The following ZDBF2 variants were observed in gnomAD, a reference collection of about 807,000 sequenced individuals.
The protein encoded by ZDBF2 is DBF4-type zinc finger-containing protein 2.
In ZDBF2, 6 loss-of-function variants were observed where a neutral mutation model predicts 9.4. The observed-to-expected ratio is 0.64, with a 90% CI of 0.35 to 1.27. The LOEUF (loss-of-function observed/expected upper bound fraction) is 1.27. ZDBF2 is among the 50% of genes most tolerant of loss of function. ZDBF2 has a pLI of 0.03. For missense variants in ZDBF2, 2,697 were observed against 2,766.8 expected, an observed-to-expected ratio of 0.97 and a Z score of 0.57; for synonymous variants, 905 against 946.3, an observed-to-expected ratio of 0.96 and a Z score of 0.80.
chr2:206,304,722 C>T lies in ZDBF2; in HGVS notation c.194C>T (p.Thr65Ile). The T allele has an allele frequency of 6.2e-7, 1 of 1,602,016 alleles. No individual in the cohort carries two copies. Among genetic ancestry groups the T allele is most frequent in the Non-Finnish European group, 8.5e-7 (1 of 1,175,280 alleles). Residue 65 changes from threonine to isoleucine, a missense_variant, in exon 5 of 5, where the codon ACA (threonine) becomes ATA (isoleucine). Physicochemically the swap from Thr to Ile is moderately conservative, Grantham distance 89. Around this residue, in one of 3 missense-constraint regions of ZDBF2, gnomAD observed 910 missense variants for 973.6 expected, o/e 0.93. Coordinates refer to ENST00000374423, the MANE Select transcript of ZDBF2 (RefSeq NM_020923.3). ...TTTCCCCCCTTTCGTTTTAGTTCAA[C>T]ACAAGATGAGACACATGTGAATACT... ...HPYHCQESSSTQDETHVNTGS... is the reference protein window; with the variant it reads ...HPYHCQESSSIQDETHVNTGS...
chr2:206,285,358 A>G (rs978048626), intron 3 of ZDBF2, among the ~76,000 whole-genome samples: 1 of 152,168 alleles, frequency 6.6e-6, no homozygotes, highest in African/African-American at 2.4e-5. Flanking sequence ...GTGAGATGAT[A>G]TCTCATTGTG....
chr2:206,310,544 A>G lies in ZDBF2; in HGVS notation c.6016A>G (p.Lys2006Glu). ...CTKVLKPMQPKALVCVLSSLN... is the reference protein window; with the variant it reads ...CTKVLKPMQPEALVCVLSSLN... ...TAAAGTTTTGAAGCCTATGCAACCCAAAGCCTTAGTCTGTGTTCTTTCTTC... is the reference window on the plus strand; with the variant it reads ...TAAAGTTTTGAAGCCTATGCAACCCGAAGCCTTAGTCTGTGTTCTTTCTTC... Residue 2006 changes from lysine to glutamate, a missense_variant, in exon 5 of 5, where the codon AAA becomes GAA. Transcript: ENST00000374423. The G allele has an allele frequency of 6.2e-7, 1 of 1,613,716 alleles. No homozygotes were observed. Among genetic ancestry groups the G allele is most frequent in the Non-Finnish European group, 8.5e-7 (1 of 1,179,800 alleles).
chr2:206,294,411 A>T (rs2105924507), intron 3 of ZDBF2, among the ~76,000 whole-genome samples: 1 of 152,344 alleles, frequency 6.6e-6, no homozygotes, highest in Middle Eastern at 3.4e-3. Context: ...ATGTAAATGA[A>T]GTTTTCTATT....
At chr2:206,301,941 A>C (rs1459697408) in intron 4 of ZDBF2, among the ~76,000 whole-genome samples, 1 of 149,862 alleles carries the variant, frequency 6.7e-6, no homozygotes, top group Admixed American at 6.6e-5. Context: ...CATAGTTTTT[A>C]TTTCTTTTAG....
Position 206,308,385 on chromosome 2 carries a change from A to G in ZDBF2, c.3857A>G (p.Asn1286Ser), listed in dbSNP as rs777536131. The change falls in exon 5 of 5, where the codon AAT becomes AGT. Residue 1286 changes from asparagine to serine, a missense_variant. Asn to Ser is a conservative substitution (Grantham distance 46). Coordinates refer to ENST00000374423, the MANE Select transcript of ZDBF2 (RefSeq NM_020923.3). ...KIVKPTDSRINFDSHEPLQSV... is the reference protein window; with the variant it reads ...KIVKPTDSRISFDSHEPLQSV... ...GTCAAACCTACAGATTCCAGAATAA[A>G]TTTTGATTCTCATGAACCCCTTCAG... The G allele has an allele frequency of 6.2e-7, 1 of 1,612,550 alleles. No homozygotes were observed. Among genetic ancestry groups the G allele is most frequent in the Non-Finnish European group, 8.5e-7 (1 of 1,179,548 alleles).
At chr2:206,298,036 A>G (rs1419635629) in intron 4 of ZDBF2, among the ~76,000 whole-genome samples, 1 of 152,232 alleles carries the variant, frequency 6.6e-6, no homozygotes, top group East Asian at 1.9e-4. Context: ...CAGAGTAAGG[A>G]CAATCAAGTC....
chr2:206,308,995 G>A lies in ZDBF2; in HGVS notation c.4467G>A (p.Lys1489=), dbSNP rs1692984274. 1 of 1,613,790 alleles carries A rather than the reference G, an allele frequency of 6.2e-7. No individual in the cohort carries two copies. The stretch of plus-strand genomic sequence containing the variant: ...AAGAGCATGTTGTCATGGAAGAAAA[G>A]ACCGATCAACCTAGTGATTCAGAAA... The part of the protein sequence containing the change: ...QKEEHVVMEE[K]TDQPSDSEMM... The change falls in exon 5 of 5, where the codon AAG becomes AAA. Residue 1489 remains lysine (K), a synonymous_variant. Coordinates refer to ENST00000374423, the MANE Select transcript of ZDBF2 (RefSeq NM_020923.3).
intron 3 of ZDBF2, among the ~76,000 whole-genome samples, chr2:206,288,615 T>C (rs1049037890): frequency 2.0e-5 from 3 of 152,198 alleles, no homozygotes; most frequent in African/African-American, 7.2e-5. Context: ...GAACCTATTG[T>C]TGCACTTGGA....
chr2:206,275,010 G>T (rs924507179), intron 1 of ZDBF2, 64 bp downstream of exon 1: 2 of 149,916 alleles, frequency 1.3e-5, no homozygotes, highest in African/African-American at 4.9e-5. Flanking sequence ...CCTGCTCGCC[G>T]GGCGCCCGGG....
rs376380249 is a variant in ZDBF2, at chr2:206,308,972, G to A, written c.4444G>A (p.Glu1482Lys). 2 of 1,613,584 alleles carry A rather than the reference G, an allele frequency of 1.2e-6. No individual in the cohort carries two copies. Among genetic ancestry groups the A allele is most frequent in the African/African-American group, 1.3e-5 (1 of 74,916 alleles). Residue 1482 changes from glutamate to lysine, a missense_variant, in exon 5 of 5, where the codon GAG becomes AAG. By Grantham distance (56) the Glu-to-Lys change is moderately conservative. Around this residue, in one of 3 missense-constraint regions of ZDBF2, gnomAD observed 1,783 missense variants for 1,776.5 expected, o/e 1.00. Coordinates refer to ENST00000374423, the MANE Select transcript of ZDBF2 (RefSeq NM_020923.3). ...CAAAGAGGCAGACCTTCAGAAGGAA[G>A]AGCATGTTGTCATGGAAGAAAAGAC... ...SYKEADLQKE[E>K]HVVMEEKTDQ...
Position 206,307,872 on chromosome 2 carries a change from A to G in ZDBF2, c.3344A>G (p.Lys1115Arg). 1 of 1,613,560 alleles carries G rather than the reference A, an allele frequency of 6.2e-7. No homozygotes were observed. The highest frequency in any genetic ancestry group is 8.5e-7 in the Non-Finnish European group (1 of 1,179,726). The change falls in exon 5 of 5, where the codon AAA (lysine) becomes AGA (arginine). Residue 1115 changes from lysine to arginine, a missense_variant. Around this residue, in one of 3 missense-constraint regions of ZDBF2, gnomAD observed 1,783 missense variants for 1,776.5 expected, o/e 1.00. Coordinates refer to ENST00000374423, the MANE Select transcript of ZDBF2 (RefSeq NM_020923.3). ...KNKINEPSTYKLIHHPDVSVQ... is the reference protein window; with the variant it reads ...KNKINEPSTYRLIHHPDVSVQ... Reference sequence around the variant, plus strand: ...AAGATTAATGAACCTAGTACTTATAAATTAATACATCATCCTGATGTTTCT... The same window carrying G: ...AAGATTAATGAACCTAGTACTTATAGATTAATACATCATCCTGATGTTTCT...
chr2:206,297,192 C>A, intron 3 of ZDBF2, 54 bp from the exon 4 acceptor site: 1 of 710,810 alleles, frequency 1.4e-6, no homozygotes, highest in Non-Finnish European at 2.4e-6. Context: ...TTGTCGAACT[C>A]TCACTACTGA....
chr2:206,297,484 A>G (rs955061018), intron 4 of ZDBF2, 111 bp downstream of exon 4: 14 of 1,118,032 alleles, frequency 1.3e-5, no homozygotes, highest in Non-Finnish European at 1.7e-5. Flanking sequence ...AGGAATATAA[A>G]GTAAAATTTT....
In ZDBF2 at chr2:206,311,666, C is replaced by T. The variant is rs546049758; in HGVS notation, c.*73C>T. 10 of 1,306,484 alleles carry T rather than the reference C, an allele frequency of 7.7e-6. No homozygotes were observed. Among genetic ancestry groups the T allele is most frequent in the Admixed American group, 3.0e-5 (1 of 32,828 alleles). 80.9% of individuals were successfully genotyped at this position (1,306,484 alleles called of 1,614,324 possible). On this transcript the variant is annotated 3_prime_UTR_variant, in exon 5 of 5. Coordinates refer to ENST00000374423, the MANE Select transcript of ZDBF2 (RefSeq NM_020923.3). Reference sequence around the variant, plus strand: ...AAATATATTTGGTACTTTGTGCACACAGCTTTCCCAGCTTTGGTGAGAAAA... The same window carrying T: ...AAATATATTTGGTACTTTGTGCACATAGCTTTCCCAGCTTTGGTGAGAAAA...
At chr2:206,282,848 C>T (rs189756859) in intron 3 of ZDBF2, among the ~76,000 whole-genome samples, 21 of 152,292 alleles carry the variant, frequency 1.4e-4, no homozygotes, top group Admixed American at 1.0e-3. Flanking sequence ...AAACCCTGTA[C>T]GCACTGAGCA....
Position 206,305,069 on chromosome 2 carries a change from C to T in ZDBF2, c.541C>T (p.Pro181Ser). ...TAATAGAAGCAACTTGGTACGCCCC[C>T]CAGTGATTTGTAATGCTCCTGCTAG... ...TNNRSNLVRP[P>S]VICNAPASCL... Residue 181 changes from proline to serine, a missense_variant, in exon 5 of 5, where the codon CCA (proline) becomes TCA (serine). Physicochemically the swap from Pro to Ser is moderately conservative, Grantham distance 74 (BLOSUM62 -1). This residue lies in a region of ZDBF2 where 910 missense variants were observed against 973.6 expected (regional missense o/e 0.93). Coordinates refer to ENST00000374423, the MANE Select transcript of ZDBF2 (RefSeq NM_020923.3). 1 of 1,613,794 alleles carries T rather than the reference C, an allele frequency of 6.2e-7. No individual in the cohort carries two copies. The highest frequency in any genetic ancestry group is 8.5e-7 in the Non-Finnish European group (1 of 1,179,806).
In ZDBF2 at chr2:206,309,575, G is replaced by A. The variant is rs1693031374; in HGVS notation, c.5047G>A (p.Ala1683Thr). ...SHRTTHRLQKAHKEASLRKDP... is the reference protein window; with the variant it reads ...SHRTTHRLQKTHKEASLRKDP... The stretch of plus-strand genomic sequence containing the variant: ...TCGAACGACTCACCGACTGCAGAAA[G>A]CTCACAAAGAAGCCAGTCTTCGGAA... Residue 1683 changes from alanine (A) to threonine (T), a missense_variant, in exon 5 of 5, where the codon GCT becomes ACT. Physicochemically the swap from Ala to Thr is moderately conservative, Grantham distance 58 (BLOSUM62 0). This residue lies in a region of ZDBF2 where 1,783 missense variants were observed against 1,776.5 expected (regional missense o/e 1.00). Transcript: ENST00000374423. 5 of 1,613,940 alleles carry A rather than the reference G, an allele frequency of 3.1e-6. No homozygotes were observed. The highest frequency in any genetic ancestry group is 3.4e-6 in the Non-Finnish European group (4 of 1,179,884).
chr2:206,283,388 TTGTTG>T (rs972332132), intron 3 of ZDBF2, among the ~76,000 whole-genome samples: 1 of 146,656 alleles, frequency 6.8e-6, no homozygotes, highest in Non-Finnish European at 1.5e-5. Context: ...GTTTTGTTTT[TTGTTG>T]TTGTTGTTGT....
rs747965897 is a variant in ZDBF2 at position 206,305,036 on chromosome 2, G to A, written c.508G>A (p.Ala170Thr). 6.2e-7 allele frequency: 1 copy of A among 1,613,730 alleles called. No homozygotes were observed. Among genetic ancestry groups the A allele is most frequent in the Non-Finnish European group, 8.5e-7 (1 of 1,179,812 alleles). ...RKCNLVDIGQ[A>T]TNNRSNLVRP... ...ATGTAACCTAGTAGATATTGGTCAG[G>A]CTACAAATAATAGAAGCAACTTGGT... is the stretch of plus-strand genomic sequence containing the variant. Residue 170 changes from alanine (A) to threonine (T), a missense_variant, in exon 5 of 5, where the codon GCT (alanine) becomes ACT (threonine). Transcript: ENST00000374423.
Sources: gnomAD v4.1 joint callset for allele counts (sites outside exome capture counted in the v4.1 genomes callset) on GRCh38, gnomAD v4.1.1 for gene constraint, gnomAD v4.1.1 regional missense constraint, MANE v1.5 for transcripts, NCBI Gene and HGNC (gene_info 2026-07-23, HGNC 2026-07-21) for gene names.